The following ADAMTS16 variants were observed in gnomAD, a reference collection of about 807,000 sequenced individuals.
The protein encoded by ADAMTS16 is ADAM metallopeptidase with thrombospondin type 1 motif 16, also known as A disintegrin and metalloproteinase with thrombospondin motifs 16.
Under a neutral mutation model 145.8 loss-of-function variants are expected in ADAMTS16, and 94 were observed. The ratio of observed to expected loss-of-function variants is 0.64; its 90% CI spans 0.55 to 0.77. The LOEUF (loss-of-function observed/expected upper bound fraction) is 0.77. Ranked by LOEUF, ADAMTS16 falls within the 30% of genes least tolerant of loss-of-function variation. ADAMTS16 has a pLI of 0.00. For synonymous variants in ADAMTS16, 659 were observed against 604.3 expected (o/e 1.09, Z -1.33); for missense variants, 1,585 against 1,591.5 (o/e 1.00, Z 0.07).
chr5:5,235,855 A>G lies in ADAMTS16; in HGVS notation c.2023+669A>G, dbSNP rs1275595155. 3.3e-5 allele frequency among the ~76,000 whole-genome samples: 5 copies of G among 152,332 alleles called. No individual in the cohort carries two copies. The East Asian group carries it at 9.7e-4, about 29-fold the overall frequency. On this transcript the variant is annotated intron_variant, in intron 13 of 22. Transcript: ENST00000274181. ...AATGACAGAAGCCCTTTGGATGTAC[A>G]TAAGTGGGACGTCCCATCTGACATT...
chr5:5,231,201 G>T (rs1430802413), intron 11 of ADAMTS16, among the ~76,000 whole-genome samples: 2 of 152,202 alleles, frequency 1.3e-5, no homozygotes, highest in Non-Finnish European at 2.9e-5. Context: ...GGCAGGCAGG[G>T]ATGGAAGAGA....
intron 11 of ADAMTS16, among the ~76,000 whole-genome samples, chr5:5,229,625 G>A (rs1736869145): frequency 6.6e-6 from 1 of 152,172 alleles, no homozygotes; most frequent in African/African-American, 2.4e-5. Flanking sequence ...AAAGCTAGAA[G>A]CCTGCCAAAG....
intron 21 of ADAMTS16, among the ~76,000 whole-genome samples, chr5:5,307,346 G>A (rs998854730): frequency 6.6e-6 from 1 of 152,202 alleles, no homozygotes; most frequent in Non-Finnish European, 1.5e-5. Flanking sequence ...GTGGCTGCCC[G>A]GTAGAGAGGC....
chr5:5,200,542 C>A (rs12517784), intron 9 of ADAMTS16, among the ~76,000 whole-genome samples: 19,809 of 152,246 alleles, frequency 0.13, 1,348 homozygotes, highest in Middle Eastern at 0.22. Flanking sequence ...TTGTCACTAA[C>A]ATTTAAGTTT....
At chr5:5,152,384 T>G (rs111327672) in intron 3 of ADAMTS16, among the ~76,000 whole-genome samples, 4,168 of 152,336 alleles carry the variant, frequency 0.027, 88 homozygotes, top group Non-Finnish European at 0.039. Context: ...AGTGGAGGTA[T>G]TCAGGGTTTC....
intron 11 of ADAMTS16, 116 bp downstream of exon 11, chr5:5,223,000 A>T: frequency 1.3e-6 from 1 of 796,024 alleles, no homozygotes. Flanking sequence ...ATACATATGC[A>T]TACCCATGCT....
intron 5 of ADAMTS16, 50 bp downstream of exon 5, chr5:5,186,301 G>GGAGT (rs368811446): frequency 2.1e-6 from 2 of 948,100 alleles, no homozygotes; most frequent in Admixed American, 4.5e-5. Flanking sequence ...CACTTCGTAG[G>GGAGT]GTGTGTGTGT....
intron 18 of ADAMTS16, among the ~76,000 whole-genome samples, chr5:5,279,151 C>T (rs901836542): frequency 2.0e-5 from 3 of 152,194 alleles, no homozygotes; most frequent in African/African-American, 7.2e-5. Context: ...AGGCCTGTCA[C>T]CCTGCTGGAG....
intron 14 of ADAMTS16, 23 bp from the exon 15 acceptor site, chr5:5,239,128 A>C (rs1316859389): frequency 6.7e-7 from 1 of 1,493,378 alleles, no homozygotes; most frequent in African/African-American, 1.4e-5. Flanking sequence ...CATGAATGAC[A>C]TGTGACCTCA....
At chr5:5,234,822 A>G (rs535561276) in intron 12 of ADAMTS16, among the ~76,000 whole-genome samples, 192 bp from the exon 13 acceptor site, 1 of 145,876 alleles carries the variant, frequency 6.9e-6, no homozygotes, top group East Asian at 2.1e-4. Context: ...GCGAGCCGAG[A>G]TCACACTACT....
chr5:5,212,544 T>C (rs901603687), intron 10 of ADAMTS16, among the ~76,000 whole-genome samples: 1 of 152,196 alleles, frequency 6.6e-6, no homozygotes, highest in Non-Finnish European at 1.5e-5. Context: ...AATACCCTCC[T>C]TTATTGTTGG....
chr5:5,293,123 AG>A (rs1397793357), intron 18 of ADAMTS16, among the ~76,000 whole-genome samples: 20 of 152,214 alleles, frequency 1.3e-4, no homozygotes, highest in African/African-American at 4.6e-4. Context: ...TGCAGGTGTC[AG>A]GAAGATGCTC....
chr5:5,270,169 C>T (rs756243358), intron 18 of ADAMTS16, among the ~76,000 whole-genome samples: 14 of 152,214 alleles, frequency 9.2e-5, no homozygotes, highest in African/African-American at 2.2e-4. Flanking sequence ...CCCCGTCCAT[C>T]GCCCACAAAT....
chr5:5,225,328 G>A (rs190088733), intron 11 of ADAMTS16, among the ~76,000 whole-genome samples: 18 of 152,310 alleles, frequency 1.2e-4, no homozygotes, highest in Non-Finnish European at 2.4e-4. Flanking sequence ...GAGACCGGGC[G>A]CAGTGGCTCA....
In ADAMTS16 at chr5:5,318,236, T is replaced by C; in HGVS notation, c.3514T>C (p.Ser1172Pro). 6.4e-7 allele frequency: 1 copy of C among 1,564,480 alleles called. No individual in the cohort carries two copies. Among genetic ancestry groups the C allele is most frequent in the Non-Finnish European group, 8.7e-7 (1 of 1,150,138 alleles). ...CCTCCTGCACCAGAAGCCTTCGGCC[T>C]CCCTGGCCTGCAACACTCACTTCTG... is the stretch of plus-strand genomic sequence containing the variant. ...GCLLHQKPSASLACNTHFCPI... is the reference protein window; with the variant it reads ...GCLLHQKPSAPLACNTHFCPI... Residue 1172 changes from serine to proline, a missense_variant, in exon 22 of 23, where the codon TCC (serine) becomes CCC (proline). This residue lies in a region of ADAMTS16 where 834 missense variants were observed against 811.7 expected (regional missense o/e 1.03). Coordinates refer to ENST00000274181, the MANE Select transcript of ADAMTS16 (RefSeq NM_139056.4).
At chr5:5,234,355 A>T (rs1737030109) in intron 12 of ADAMTS16, among the ~76,000 whole-genome samples, 1 of 152,120 alleles carries the variant, frequency 6.6e-6, no homozygotes, top group South Asian at 2.1e-4. Flanking sequence ...CATTCTCTCA[A>T]ATGTGCTATC....
At chr5:5,302,929 A>C (rs1739846983) in intron 18 of ADAMTS16, among the ~76,000 whole-genome samples, 1 of 151,376 alleles carries the variant, frequency 6.6e-6, no homozygotes, top group Non-Finnish European at 1.5e-5. Context: ...AGGAACCCAG[A>C]GGTGTTTTAT....
In ADAMTS16 at chr5:5,280,916, G is replaced by A. The variant is rs535079605; in HGVS notation, c.2789+18133G>A. The stretch of plus-strand genomic sequence containing the variant: ...ATCCCAAGTCTGGGAACCCTCTCAG[G>A]CCCAAGCAAACCAGCGCAGCTGTTT... On this transcript the variant is annotated intron_variant, in intron 18 of 22. Transcript: ENST00000274181. 2.5e-3 allele frequency among the ~76,000 whole-genome samples: 388 copies of A among 152,244 alleles called. 1 individual carries two copies. Among genetic ancestry groups the A allele is most frequent in the African/African-American group, 8.5e-3 (354 of 41,534 alleles).
At chr5:5,241,803 G>A (rs1737299886) in intron 16 of ADAMTS16, among the ~76,000 whole-genome samples, 1 of 150,278 alleles carries the variant, frequency 6.7e-6, no homozygotes, top group Admixed American at 6.7e-5. Flanking sequence ...AGTGTTTGAA[G>A]TTTTACATGC....
Sources: gnomAD v4.1 joint callset for allele counts (sites outside exome capture counted in the v4.1 genomes callset) on GRCh38, gnomAD v4.1.1 for gene constraint, gnomAD v4.1.1 regional missense constraint, MANE v1.5 for transcripts, NCBI Gene and HGNC (gene_info 2026-07-23, HGNC 2026-07-21) for gene names.